DNALI1: variants seen among roughly 807,000 people sequenced by gnomAD.
DNALI1 encodes axonemal dynein light intermediate polypeptide 1.
DNALI1 carries 31 observed loss-of-function variants against 33.9 expected under a neutral mutation model. The ratio of observed to expected loss-of-function variants is 0.91; its 90% CI spans 0.69 to 1.23. The LOEUF (loss-of-function observed/expected upper bound fraction) is 1.23, where lower values mean the gene tolerates loss of function less well. Ranked by LOEUF, DNALI1 falls within the 50% of genes most tolerant of loss-of-function variation. The pLI is 0.00. For missense variants in DNALI1, 305 were observed against 323.8 expected, an observed-to-expected ratio of 0.94 and a Z score of 0.44; for synonymous variants, 117 against 129.2, an observed-to-expected ratio of 0.91 and a Z score of 0.64.
chr1:37,557,821 G>A, intron 2 of DNALI1, 73 bp downstream of exon 2: 6 of 1,591,148 alleles, frequency 3.8e-6, no homozygotes, highest in South Asian at 1.1e-5. Context: ...TGTGGGGGGA[G>A]GCACTCTGCC....
chr1:37,557,817 G>A (rs1643391527), intron 2 of DNALI1, 69 bp downstream of exon 2: 2 of 1,594,010 alleles, frequency 1.3e-6, no homozygotes, highest in Non-Finnish European at 1.7e-6. Flanking sequence ...GGAGTGTGGG[G>A]GGAGGCACTC....
In DNALI1 at chr1:37,562,263, T is replaced by G; in HGVS notation, c.741+18T>G. On this transcript the variant is annotated intron_variant, in intron 5 of 5. Transcript: ENST00000652629. This position sits in a 1 kb window ranked among gnomAD's most constrained non-coding sequence, Gnocchi z 5.8. ...AGCTGAAGGTAATCAACGCGCAGGG[T>G]GGGGTGGAGGTGCCCCCTGCCCTGC... The G allele has an allele frequency of 6.2e-7, 1 of 1,605,698 alleles. No homozygotes were observed.
Position 37,561,327 on chromosome 1 carries a change from C to T in DNALI1, c.398-230C>T. The T allele has an allele frequency of 1.9e-6, 1 of 531,026 alleles. No homozygotes were observed. Among genetic ancestry groups the T allele is most frequent in the East Asian group, 2.9e-5 (1 of 33,988 alleles). 32.9% of individuals were successfully genotyped at this position (531,026 alleles called of 1,614,324 possible). A position where few individuals can be genotyped will look rare whatever the true frequency, so the allele number is the denominator to read the frequency against. On this transcript the variant is annotated intron_variant, in intron 3 of 5. Coordinates refer to ENST00000652629, the MANE Select transcript of DNALI1 (RefSeq NM_003462.5). This position sits in a 1 kb window ranked among gnomAD's most constrained non-coding sequence, Gnocchi z 4.6. ...TCTCCTTTGCTCTGGCCAACCCAGT[C>T]TTGCTGACTGTGCTACTCACAAGTG...
chr1:37,563,731 T>G (rs998311736), intron 5 of DNALI1, among the ~76,000 whole-genome samples: 4 of 152,112 alleles, frequency 2.6e-5, no homozygotes, highest in African/African-American at 9.7e-5. Flanking sequence ...CCTCACATGA[T>G]CTGCCCACCT....
Position 37,565,091 on chromosome 1 carries a change from A to T in DNALI1, c.*30A>T. The T allele has an allele frequency of 6.2e-7, 1 of 1,613,080 alleles. No homozygotes were observed. Among genetic ancestry groups the T allele is most frequent in the Non-Finnish European group, 8.5e-7 (1 of 1,179,048 alleles). ...TTCCACATGATTAATTTCCAACAAGACACTTGGGAGTTATTTACTGTGTTC... is the reference window on the plus strand; with the variant it reads ...TTCCACATGATTAATTTCCAACAAGTCACTTGGGAGTTATTTACTGTGTTC... On this transcript the variant is annotated 3_prime_UTR_variant, in exon 6 of 6. Transcript: ENST00000652629.
At position 37,561,643 on chromosome 1, in the gene DNALI1, G is replaced by A. The variant is rs550154548; in HGVS notation, c.484G>A (p.Ala162Thr). 8 of 1,613,928 alleles carry A rather than the reference G, an allele frequency of 5.0e-6. No individual in the cohort carries two copies. Among genetic ancestry groups the A allele is most frequent in the South Asian group, 4.4e-5 (4 of 91,010 alleles). ...RVRDEIRMTI[A>T]AYQTLYESSV... ...CCGGGACGAGATCCGCATGACCATC[G>A]CTGCCTACCAGACCCTGTACGAGAG... The change falls in exon 4 of 6, where the codon GCT (alanine) becomes ACT (threonine). Residue 162 changes from alanine to threonine, a missense_variant. Physicochemically the swap from Ala to Thr is moderately conservative, Grantham distance 58. Transcript: ENST00000652629. The surrounding 1 kb of genome is among the most constrained non-coding windows in gnomAD (Gnocchi z 4.6).
In DNALI1 at chr1:37,559,269, A is replaced by G. The variant is rs1411559571; in HGVS notation, c.228-58A>G. 1.3e-6 allele frequency: 2 copies of G among 1,496,248 alleles called. No homozygotes were observed. The highest frequency in any genetic ancestry group is 1.8e-6 in the Non-Finnish European group (2 of 1,117,856). The allele number at this position is 1,496,248 out of a possible 1,614,324, so 92.7% of individuals were successfully genotyped here. A position where few individuals can be genotyped will look rare whatever the true frequency, so the allele number is the denominator to read the frequency against. Reference sequence around the variant, plus strand: ...AGAGGGCTCAAAGGGCCCTCTGCTCATGTGCTAGGGACCTTCAAGTCAACG... The same window carrying G: ...AGAGGGCTCAAAGGGCCCTCTGCTCGTGTGCTAGGGACCTTCAAGTCAACG... On this transcript the variant is annotated intron_variant, in intron 2 of 5. Transcript: ENST00000652629. This position sits in a 1 kb window ranked among gnomAD's most constrained non-coding sequence, Gnocchi z 5.3.
chr1:37,565,805 A>G lies in DNALI1; in HGVS notation c.*744A>G, dbSNP rs1228150251. On this transcript the variant is annotated 3_prime_UTR_variant, in exon 6 of 6. Transcript: ENST00000652629. ...GCCCTGACTCTGCACTCCCCGAAGT[A>G]GTGATGTTAATTAACAACTGAAGAG... 6.6e-6 allele frequency: 1 copy of G among 152,242 alleles called. No individual in the cohort carries two copies. The highest frequency in any genetic ancestry group is 1.5e-5 in the Non-Finnish European group (1 of 68,062). The allele number at this position is 152,242 out of a possible 1,614,324, so 9.4% of individuals were successfully genotyped here.
Position 37,559,194 on chromosome 1 carries a change from G to C in DNALI1, c.228-133G>C. On this transcript the variant is annotated intron_variant, in intron 2 of 5. Transcript: ENST00000652629. The surrounding 1 kb of genome is among the most constrained non-coding windows in gnomAD (Gnocchi z 5.3). ...TTGGAGCCTCACACCCCAAGGGATG[G>C]AGGATTCTGGTGGGTTGGTGGCAAA... is the stretch of plus-strand genomic sequence containing the variant. 3.3e-6 allele frequency: 3 copies of C among 899,990 alleles called. No homozygotes were observed. The highest frequency in any genetic ancestry group is 4.9e-6 in the Non-Finnish European group (3 of 607,466). 55.8% of individuals were successfully genotyped at this position (899,990 alleles called of 1,614,324 possible).
Position 37,557,687 on chromosome 1 carries a change from C to A in DNALI1, c.166C>A (p.Pro56Thr), listed in dbSNP as rs199834277. Residue 56 changes from proline to threonine, a missense_variant, in exon 2 of 6, where the codon CCC becomes ACC. Physicochemically the swap from Pro to Thr is conservative, Grantham distance 38. Coordinates refer to ENST00000652629, the MANE Select transcript of DNALI1 (RefSeq NM_003462.5). Reference sequence around the variant, plus strand: ...ACCCAAGACCAAGCTCCCCTCAACTCCCTGTGTCCCAGATCCTACAAAGCA... The same window carrying A: ...ACCCAAGACCAAGCTCCCCTCAACTACCTGTGTCCCAGATCCTACAAAGCA... The part of the protein sequence containing the change: ...QPPKTKLPST[P>T]CVPDPTKQAE... 5.0e-6 allele frequency: 8 copies of A among 1,614,134 alleles called. No individual in the cohort carries two copies. The Admixed American group carries it at 8.3e-5, about 17-fold the overall frequency.
chr1:37,563,428 T>C (rs961726116), intron 5 of DNALI1, among the ~76,000 whole-genome samples: 1 of 152,262 alleles, frequency 6.6e-6, no homozygotes, highest in Non-Finnish European at 1.5e-5. Flanking sequence ...TTAGCATGTT[T>C]CTAACATTTA....
rs1643496127 is a variant in DNALI1, at chr1:37,566,049, A to C, written c.*988A>C. 1 of 152,232 alleles carries C rather than the reference A, an allele frequency of 6.6e-6. No homozygotes were observed. Among genetic ancestry groups the C allele is most frequent in the South Asian group, 2.1e-4 (1 of 4,828 alleles). 9.4% of individuals were successfully genotyped at this position (152,232 alleles called of 1,614,324 possible). A position where few individuals can be genotyped will look rare whatever the true frequency, so the allele number is the denominator to read the frequency against. On this transcript the variant is annotated 3_prime_UTR_variant, in exon 6 of 6. Coordinates refer to ENST00000652629, the MANE Select transcript of DNALI1 (RefSeq NM_003462.5). Reference sequence around the variant, plus strand: ...GGCTGCACAAGTAACATTACCTAAAAGGCACTAACATGCTCAGGTTCCCCA... The same window carrying C: ...GGCTGCACAAGTAACATTACCTAAACGGCACTAACATGCTCAGGTTCCCCA...
Position 37,559,792 on chromosome 1 carries a change from G to A in DNALI1, c.397+296G>A, listed in dbSNP as rs1035474104. On this transcript the variant is annotated intron_variant, in intron 3 of 5. Coordinates refer to ENST00000652629, the MANE Select transcript of DNALI1 (RefSeq NM_003462.5). The surrounding 1 kb of genome is among the most constrained non-coding windows in gnomAD (Gnocchi z 5.3). ...GAAAGAAAGGTGGGCCCAGGGGACC[G>A]GCACTCAGCATACGGAGGACCCGCA... Among the ~76,000 whole-genome samples, 7 of 152,172 alleles carry A rather than the reference G, an allele frequency of 4.6e-5. No individual in the cohort carries two copies. The highest frequency in any genetic ancestry group is 2.6e-4 in the Admixed American group (4 of 15,272).
At position 37,559,510 on chromosome 1, in the gene DNALI1, G is replaced by C. The variant is rs1329796091; in HGVS notation, c.397+14G>C. 1 of 1,592,690 alleles carries C rather than the reference G, an allele frequency of 6.3e-7. No individual in the cohort carries two copies. Among genetic ancestry groups the C allele is most frequent in the African/African-American group, 1.3e-5 (1 of 74,588 alleles). ...CACAGTGTTTTGGTGAGTGAGCCAG[G>C]TGAGGGGTGGGCACTACACACCCTA... On this transcript the variant is annotated intron_variant, in intron 3 of 5. Coordinates refer to ENST00000652629, the MANE Select transcript of DNALI1 (RefSeq NM_003462.5). This position sits in a 1 kb window ranked among gnomAD's most constrained non-coding sequence, Gnocchi z 5.3.
Position 37,559,176 on chromosome 1 carries a change from C to T in DNALI1, c.228-151C>T. 3 of 757,226 alleles carry T rather than the reference C, an allele frequency of 4.0e-6. No homozygotes were observed. Among genetic ancestry groups the T allele is most frequent in the South Asian group, 2.3e-5 (1 of 43,824 alleles). The allele number at this position is 757,226 out of a possible 1,614,324, so 46.9% of individuals were successfully genotyped here. A position where few individuals can be genotyped will look rare whatever the true frequency, so the allele number is the denominator to read the frequency against. ...AGCATAGTGGGTGTGGCTTTGGAGC[C>T]TCACACCCCAAGGGATGGAGGATTC... is the stretch of plus-strand genomic sequence containing the variant. On this transcript the variant is annotated intron_variant, in intron 2 of 5. Coordinates refer to ENST00000652629, the MANE Select transcript of DNALI1 (RefSeq NM_003462.5). This position sits in a 1 kb window ranked among gnomAD's most constrained non-coding sequence, Gnocchi z 5.3.
In DNALI1 at chr1:37,561,683, G is replaced by C; in HGVS notation, c.524G>C (p.Gly175Ala). The C allele has an allele frequency of 1.9e-6, 3 of 1,614,148 alleles. No individual in the cohort carries two copies. Among genetic ancestry groups the C allele is most frequent in the Non-Finnish European group, 2.5e-6 (3 of 1,180,010 alleles). The change falls in exon 4 of 6, where the codon GGC becomes GCC. Residue 175 changes from glycine (G) to alanine (A), a missense_variant. Transcript: ENST00000652629. This position sits in a 1 kb window ranked among gnomAD's most constrained non-coding sequence, Gnocchi z 4.6. ...QTLYESSVAF[G>A]MRKALQAEQG... ...CTGTACGAGAGCAGCGTGGCGTTTG[G>C]CATGAGGAAGGCACTGCAGGCTGAG...
rs947616067 is a variant in DNALI1 at position 37,559,030 on chromosome 1, A to C, written c.228-297A>C. On this transcript the variant is annotated intron_variant, in intron 2 of 5. Transcript: ENST00000652629. This position sits in a 1 kb window ranked among gnomAD's most constrained non-coding sequence, Gnocchi z 5.3. Reference sequence around the variant, plus strand: ...CTGTTCACATCAAGCAACAACCATAAATCGGTCTTCAGCATGTTAGGAGGG... The same window carrying C: ...CTGTTCACATCAAGCAACAACCATACATCGGTCTTCAGCATGTTAGGAGGG... Among the ~76,000 whole-genome samples, 2 of 152,170 alleles carry C rather than the reference A, an allele frequency of 1.3e-5. No homozygotes were observed. The highest frequency in any genetic ancestry group is 1.3e-4 in the Admixed American group (2 of 15,282).
chr1:37,557,934 T>G, intron 2 of DNALI1, 186 bp downstream of exon 2: 1 of 727,554 alleles, frequency 1.4e-6, no homozygotes, highest in South Asian at 2.0e-5. Context: ...CAATCTACCC[T>G]CATTTCCTGC....
chr1:37,561,932 C>G lies in DNALI1; in HGVS notation c.577-149C>G. The stretch of plus-strand genomic sequence containing the variant: ...CTGGTGGTCTTGGCAGAGTTGTTTC[C>G]GCTGTAGACGCTCCATGCCAGGCAC... On this transcript the variant is annotated intron_variant, in intron 4 of 5. Coordinates refer to ENST00000652629, the MANE Select transcript of DNALI1 (RefSeq NM_003462.5). The surrounding 1 kb of genome is among the most constrained non-coding windows in gnomAD (Gnocchi z 4.6). 4 of 1,393,748 alleles carry G rather than the reference C, an allele frequency of 2.9e-6. No individual in the cohort carries two copies. Among genetic ancestry groups the G allele is most frequent in the Non-Finnish European group, 3.9e-6 (4 of 1,024,952 alleles). 86.3% of individuals were successfully genotyped at this position (1,393,748 alleles called of 1,614,324 possible).
Sources: gnomAD v4.1 joint callset for allele counts (sites outside exome capture counted in the v4.1 genomes callset) on GRCh38, gnomAD v4.1.1 for gene constraint, Gnocchi (gnomAD v3.1) non-coding constraint, MANE v1.5 for transcripts, NCBI Gene and HGNC (gene_info 2026-07-23, HGNC 2026-07-21) for gene names.